Variants in ARHGAP39 observed in about 807,000 individuals in gnomAD.
ARHGAP39 encodes rho GTPase-activating protein 39.
ARHGAP39 carries 44 observed loss-of-function variants against 106.9 expected under a neutral mutation model. That is an observed-to-expected ratio of 0.41 (90% CI 0.32 to 0.53). The LOEUF (loss-of-function observed/expected upper bound fraction) is 0.53. Ranked by LOEUF, ARHGAP39 falls within the 20% of genes least tolerant of loss-of-function variation. The pLI is 0.21. For missense variants in ARHGAP39, 1,496 were observed against 1,577.3 expected, an observed-to-expected ratio of 0.95 and a Z score of 0.87; for synonymous variants, 768 against 693.2, an observed-to-expected ratio of 1.11 and a Z score of -1.69.
At chr8:144,696,311 G>A in the ARHGAP39 span, among the ~76,000 whole-genome samples, 3,106 of 145,926 alleles carry the variant, frequency 0.021, 49 homozygotes, top group Non-Finnish European at 0.029. Flanking sequence ...GTTAATTTTT[G>A]TATGTTTAGT....
chr8:144,553,960 G>C (rs1016704718), intron 4 of ARHGAP39, among the ~76,000 whole-genome samples: 1 of 152,248 alleles, frequency 6.6e-6, no homozygotes, highest in Non-Finnish European at 1.5e-5. Flanking sequence ...ATTAGTTTAC[G>C]GCCCAGAGGT....
At chr8:144,532,928 T>G (rs753180002) in intron 9 of ARHGAP39, among the ~76,000 whole-genome samples, 198 bp downstream of exon 9, 1 of 152,234 alleles carries the variant, frequency 6.6e-6, no homozygotes, top group African/African-American at 2.4e-5. Flanking sequence ...CTCTTTGGAA[T>G]GGGTCCTGCC....
At position 144,646,236 on chromosome 8, in the gene ARHGAP39, C is replaced by A. The variant is rs1375396480; in HGVS notation, c.-82+39450G>T. ...GGGCAACAACCGCAAACGTGTTCAACAGGGAAGAGCACGTATGGACCAGGC... is the reference window on the plus strand; with the variant it reads ...GGGCAACAACCGCAAACGTGTTCAAAAGGGAAGAGCACGTATGGACCAGGC... On this transcript the variant is annotated intron_variant, in intron 1 of 11. Coordinates refer to ENST00000377307, the MANE Select transcript of ARHGAP39 (RefSeq NM_025251.3). This position sits in a 1 kb window ranked among gnomAD's most constrained non-coding sequence, Gnocchi z 5.7. Among the ~76,000 whole-genome samples the A allele has an allele frequency of 3.3e-5, 5 of 152,168 alleles. No individual in the cohort carries two copies. The highest frequency in any genetic ancestry group is 7.3e-5 in the Non-Finnish European group (5 of 68,038).
intron 3 of ARHGAP39, among the ~76,000 whole-genome samples, chr8:144,561,205 C>G (rs1052936509): frequency 3.9e-5 from 6 of 152,074 alleles, no homozygotes; most frequent in African/African-American, 1.4e-4. Context: ...CGGACTCACC[C>G]CAGTGGTTTC....
At chr8:144,533,020 G>A (rs1816791055) in intron 9 of ARHGAP39, 106 bp downstream of exon 9, 2 of 1,374,494 alleles carry the variant, frequency 1.5e-6, no homozygotes, top group Non-Finnish European at 2.0e-6. Context: ...TATGGGTGCG[G>A]AAGCAGCCCA....
the ARHGAP39 span, among the ~76,000 whole-genome samples, chr8:144,691,896 AC>A: frequency 6.6e-6 from 1 of 151,934 alleles, no homozygotes; most frequent in African/African-American, 2.4e-5. Context: ...GGCATTGACT[AC>A]GCAAGCAGGG....
intron 1 of ARHGAP39, among the ~76,000 whole-genome samples, chr8:144,666,637 G>A (rs12542925): frequency 0.062 from 9,477 of 152,140 alleles, 413 homozygotes; most frequent in Non-Finnish European, 0.087. Flanking sequence ...TCTTGCTGCC[G>A]CCATGTAAGA....
intron 3 of ARHGAP39, among the ~76,000 whole-genome samples, chr8:144,563,415 T>G (rs1818277360): frequency 6.6e-6 from 1 of 152,140 alleles, no homozygotes; most frequent in South Asian, 2.1e-4. Context: ...TTTATTGTCA[T>G]TTTTTAGAAA....
chr8:144,606,693 C>A (rs1008257991), intron 1 of ARHGAP39, among the ~76,000 whole-genome samples: 3 of 151,994 alleles, frequency 2.0e-5, no homozygotes, highest in Admixed American at 2.0e-4. Context: ...TTTTTGACCA[C>A]CTGGTGGGGG....
chr8:144,673,875 C>T (rs915284518), intron 1 of ARHGAP39, among the ~76,000 whole-genome samples: 10 of 152,252 alleles, frequency 6.6e-5, no homozygotes, highest in East Asian at 1.9e-4. Flanking sequence ...CCAGCTGCAG[C>T]GGGGCAGGCT....
At chr8:144,622,306 G>A (rs1048152131) in intron 1 of ARHGAP39, among the ~76,000 whole-genome samples, 78 of 152,088 alleles carry the variant, frequency 5.1e-4, no homozygotes, top group African/African-American at 1.8e-3. Flanking sequence ...GTTTCTTAAC[G>A]TAGGTTCCAG....
intron 2 of ARHGAP39, among the ~76,000 whole-genome samples, chr8:144,582,789 G>T (rs1208756067): frequency 6.6e-6 from 1 of 152,168 alleles, no homozygotes; most frequent in Non-Finnish European, 1.5e-5. Context: ...GCACCCTGGG[G>T]ATGGGCTGGT....
upstream of ARHGAP39, among the ~76,000 whole-genome samples, chr8:144,686,307 C>T (rs114688813): frequency 4.2e-3 from 643 of 152,198 alleles, 7 homozygotes; most frequent in African/African-American, 0.015. Flanking sequence ...CTGTTATTCT[C>T]ACCTTTTTAG....
At chr8:144,561,460 C>T (rs1227483079) in intron 3 of ARHGAP39, among the ~76,000 whole-genome samples, 3 of 151,720 alleles carry the variant, frequency 2.0e-5, no homozygotes, top group Non-Finnish European at 4.4e-5. Flanking sequence ...CAGTGGTTTC[C>T]ATCACACTCC....
rs1265762329 is a variant in ARHGAP39 at position 144,532,403 on chromosome 8, G to A, written c.2889-7C>T. 1 of 1,611,234 alleles carries A rather than the reference G, an allele frequency of 6.2e-7. No homozygotes were observed. Among genetic ancestry groups the A allele is most frequent in the East Asian group, 2.2e-5 (1 of 44,846 alleles). Reference sequence around the variant, plus strand: ...GTCAATGTCCCCAGGGACCCTGCAGGGCACAGGGCAGGTCTCAGGCAACAG... The same window carrying A: ...GTCAATGTCCCCAGGGACCCTGCAGAGCACAGGGCAGGTCTCAGGCAACAG... On this transcript the variant is annotated splice_polypyrimidine_tract_variant and splice_region_variant and intron_variant, in intron 9 of 11. Transcript: ENST00000377307.
rs1404398270 is a variant in ARHGAP39, at chr8:144,684,878, A to G, written c.-82+808T>C. Among the ~76,000 whole-genome samples the G allele has an allele frequency of 1.3e-5, 2 of 152,122 alleles. No individual in the cohort carries two copies. Among genetic ancestry groups the G allele is most frequent in the Non-Finnish European group, 1.5e-5 (1 of 68,002 alleles). Reference sequence around the variant, plus strand: ...CAGGCGGCCATGACCCCACCTGGAGACGCCCATGTCCGCTCCCTGCGCCCC... The same window carrying G: ...CAGGCGGCCATGACCCCACCTGGAGGCGCCCATGTCCGCTCCCTGCGCCCC... On this transcript the variant is annotated intron_variant, in intron 1 of 11. Coordinates refer to ENST00000377307, the MANE Select transcript of ARHGAP39 (RefSeq NM_025251.3). This position sits in a 1 kb window ranked among gnomAD's most constrained non-coding sequence, Gnocchi z 4.4.
chr8:144,547,669 T>G lies in ARHGAP39; in HGVS notation c.1417A>C (p.Met473Leu). The G allele has an allele frequency of 6.4e-7, 1 of 1,564,656 alleles. No individual in the cohort carries two copies. Among genetic ancestry groups the G allele is most frequent in the Non-Finnish European group, 8.6e-7 (1 of 1,159,680 alleles). Residue 473 changes from methionine to leucine, a missense_variant, in exon 5 of 12, where the codon ATG (methionine) becomes CTG (leucine). Coordinates refer to ENST00000377307, the MANE Select transcript of ARHGAP39 (RefSeq NM_025251.3). The surrounding 1 kb of genome is among the most constrained non-coding windows in gnomAD (Gnocchi z 5.2). ...TPLPQAQEDA[M>L]SWSSQQDTLS... ...GTGTCCTGCTGGCTGGACCAGGACA[T>G]GGCATCCTCCTGGGCCTGTGGCAGC...
At chr8:144,691,350 C>A in the ARHGAP39 span, among the ~76,000 whole-genome samples, 2 of 152,194 alleles carry the variant, frequency 1.3e-5, no homozygotes, top group Non-Finnish European at 2.9e-5. Context: ...CCTGCTTGGA[C>A]ATCTGCACCT....
Position 144,548,805 on chromosome 8 carries a change from C to T in ARHGAP39, c.597-316G>A, listed in dbSNP as rs1039760632. On this transcript the variant is annotated intron_variant, in intron 4 of 11. Transcript: ENST00000377307. This position sits in a 1 kb window ranked among gnomAD's most constrained non-coding sequence, Gnocchi z 7.4. ...CAGGGCCCTTAATGTGGGTGCTGTG[C>T]GGGTGTCTCCAGAGCTGCCTGAGCC... is the stretch of plus-strand genomic sequence containing the variant. Among the ~76,000 whole-genome samples, 1 of 152,172 alleles carries T rather than the reference C, an allele frequency of 6.6e-6. No individual in the cohort carries two copies. The highest frequency in any genetic ancestry group is 6.5e-5 in the Admixed American group (1 of 15,280).
Sources: gnomAD v4.1 joint callset for allele counts (sites outside exome capture counted in the v4.1 genomes callset) on GRCh38, gnomAD v4.1.1 for gene constraint, Gnocchi (gnomAD v3.1) non-coding constraint, MANE v1.5 for transcripts, NCBI Gene and HGNC (gene_info 2026-07-23, HGNC 2026-07-21) for gene names.